Variants in ERBIN observed in about 807,000 individuals in gnomAD.
The protein encoded by ERBIN is densin-180-like protein.
ERBIN carries 60 observed loss-of-function variants against 158.4 expected under a neutral mutation model. That is an observed-to-expected ratio of 0.38 (90% CI 0.31 to 0.47). The LOEUF is 0.47. Ranked by LOEUF, ERBIN falls within the 20% of genes least tolerant of loss-of-function variation. ERBIN has a pLI of 0.99. For missense variants in ERBIN, 1,610 were observed against 1,648.0 expected, an observed-to-expected ratio of 0.98 and a Z score of 0.40; for synonymous variants, 594 against 557.2, an observed-to-expected ratio of 1.07 and a Z score of -0.93.
At chr5:66,028,451 T>G in intron 14 of ERBIN, 108 bp downstream of exon 14, 1 of 627,122 alleles carries the variant, frequency 1.6e-6, no homozygotes. Context: ...GTGGTACACA[T>G]GTAAACATAT....
intron 22 of ERBIN, among the ~76,000 whole-genome samples, chr5:66,073,060 CAT>C (rs1428497980): frequency 6.6e-6 from 1 of 152,130 alleles, no homozygotes; most frequent in Non-Finnish European, 1.5e-5. Flanking sequence ...TTTCTCATTA[CAT>C]ATATTTTGTG....
At chr5:66,048,538 G>A in intron 18 of ERBIN, 129 bp from the exon 19 acceptor site, 1 of 625,962 alleles carries the variant, frequency 1.6e-6, no homozygotes, top group Non-Finnish European at 2.8e-6. Flanking sequence ...TTATTTTATT[G>A]CCGTATCTTG....
At position 65,979,870 on chromosome 5, in the gene ERBIN, A is replaced by G. The variant is rs368058759; in HGVS notation, c.-57-8765A>G. ...AATAACAATGTATTATCGAATTTAT[A>G]GTATGTATCAGTAAAATATAAGAGC... On this transcript the variant is annotated intron_variant, in intron 1 of 25. Transcript: ENST00000284037. Among the ~76,000 whole-genome samples the G allele has an allele frequency of 1.8e-4, 27 of 152,358 alleles. 1 individual carries two copies. The East Asian group carries it at 3.3e-3, about 18-fold the overall frequency.
chr5:66,052,032 T>C (rs1759082651), intron 20 of ERBIN, among the ~76,000 whole-genome samples: 1 of 151,518 alleles, frequency 6.6e-6, no homozygotes, highest in South Asian at 2.1e-4. Context: ...GGTGAAACCA[T>C]GTCTCTACAA....
chr5:66,079,127 TG>T lies in ERBIN; in HGVS notation c.*601del. On this transcript the variant is annotated 3_prime_UTR_variant, in exon 26 of 26. Coordinates refer to ENST00000284037, the MANE Select transcript of ERBIN (RefSeq NM_001253697.2). Reference sequence around the variant, plus strand: ...AAAATCTGGAAGCAAAGAATGGGGATGGGGAGAGCTACGTGGTAGTATGTTT... The same window carrying T: ...AAAATCTGGAAGCAAAGAATGGGGATGGGAGAGCTACGTGGTAGTATGTTT... 6.5e-6 allele frequency: 1 copy of T among 152,804 alleles called. No homozygotes were observed. The highest frequency in any genetic ancestry group is 1.9e-4 in the East Asian group (1 of 5,186). 9.5% of individuals were successfully genotyped at this position (152,804 alleles called of 1,614,324 possible).
intron 1 of ERBIN, among the ~76,000 whole-genome samples, chr5:65,964,773 CG>C (rs770946988): frequency 1.3e-3 from 164 of 125,858 alleles, no homozygotes; most frequent in Non-Finnish European, 2.2e-3. Flanking sequence ...GATGGAGTCT[CG>C]CTCTGTCACC....
chr5:65,975,454 C>T (rs183400403), intron 1 of ERBIN, among the ~76,000 whole-genome samples: 54 of 151,796 alleles, frequency 3.6e-4, no homozygotes, highest in African/African-American at 1.1e-3. Context: ...TATGGGTGCC[C>T]GGCATCACGC....
chr5:65,997,654 A>G (rs1752577171), intron 4 of ERBIN, among the ~76,000 whole-genome samples: 1 of 152,206 alleles, frequency 6.6e-6, no homozygotes. Flanking sequence ...GTCATGTAAT[A>G]CTTCTTAATA....
chr5:65,927,172 T>G (rs1742757719), intron 1 of ERBIN, among the ~76,000 whole-genome samples: 1 of 152,178 alleles, frequency 6.6e-6, no homozygotes, highest in African/African-American at 2.4e-5. Context: ...GCACCTTCTG[T>G]TTGGGAAGAA....
intron 1 of ERBIN, among the ~76,000 whole-genome samples, chr5:65,940,479 C>T (rs1385506125): frequency 8.0e-6 from 1 of 125,004 alleles, no homozygotes; most frequent in Non-Finnish European, 1.7e-5. Context: ...GGGTCAGTCC[C>T]CCCCCCCCCG....
At position 66,053,810 on chromosome 5, in the gene ERBIN, A is replaced by C. The variant is rs143804809; in HGVS notation, c.2492A>C (p.Gln831Pro). 1.8e-4 allele frequency: 292 copies of C among 1,613,876 alleles called. No individual in the cohort carries two copies. Among genetic ancestry groups the C allele is most frequent in the Non-Finnish European group, 2.3e-4 (269 of 1,180,028 alleles). ...AATGGACATTCTGAGGAAACTTCCC[A>C]GTCTCCTAATAGGACTGAACCACAT... ...KVNGHSEETS[Q>P]SPNRTEPHDS... Residue 831 changes from glutamine (Q) to proline (P), a missense_variant, in exon 21 of 26, where the codon CAG (glutamine) becomes CCG (proline). By Grantham distance (76) the Gln-to-Pro change is moderately conservative. Transcript: ENST00000284037.
At chr5:66,072,958 A>G (rs140297212) in intron 22 of ERBIN, among the ~76,000 whole-genome samples, 3 of 152,332 alleles carry the variant, frequency 2.0e-5, no homozygotes, top group African/African-American at 7.2e-5. Flanking sequence ...ATATAAGTTC[A>G]TAAGTCATCT....
intron 4 of ERBIN, among the ~76,000 whole-genome samples, chr5:66,001,790 T>TTTTTA (rs553802092): frequency 5.9e-4 from 90 of 152,278 alleles, no homozygotes; most frequent in South Asian, 5.6e-3. Flanking sequence ...GTATGTATGC[T>TTTTTA]TTTTATTTTA....
In ERBIN at chr5:66,072,276, A is replaced by G; in HGVS notation, c.3741A>G (p.Pro1247=). 1 of 1,550,230 alleles carries G rather than the reference A, an allele frequency of 6.5e-7. No homozygotes were observed. Among genetic ancestry groups the G allele is most frequent in the Non-Finnish European group, 8.7e-7 (1 of 1,146,824 alleles). ...SATLSHKDVP[P]DSLMKMPLSN... ...CACTTAGTCACAAAGATGTTCCTCCAGACAGCTTGATGAAAGTGGGTGCTC... is the reference window on the plus strand; with the variant it reads ...CACTTAGTCACAAAGATGTTCCTCCGGACAGCTTGATGAAAGTGGGTGCTC... Residue 1247 remains proline, a synonymous_variant, in exon 22 of 26, where the codon CCA becomes CCG. Coordinates refer to ENST00000284037, the MANE Select transcript of ERBIN (RefSeq NM_001253697.2).
intron 4 of ERBIN, among the ~76,000 whole-genome samples, chr5:66,007,244 A>G (rs187191171): frequency 1.3e-5 from 2 of 152,342 alleles, no homozygotes; most frequent in East Asian, 3.8e-4. Flanking sequence ...TTGTAGGGAC[A>G]TGGGTGAAGC....
chr5:66,013,960 G>C (rs914147332), intron 6 of ERBIN, among the ~76,000 whole-genome samples: 1 of 152,106 alleles, frequency 6.6e-6, no homozygotes, highest in African/African-American at 2.4e-5. Flanking sequence ...TGATTTATCT[G>C]TCTTCTCCCC....
At position 66,050,894 on chromosome 5, in the gene ERBIN, C is replaced by G. The variant is rs1471974557; in HGVS notation, c.2015C>G (p.Thr672Ser). ...SRMSDSVSLNTDSSQDTSLCS... is the reference protein window; with the variant it reads ...SRMSDSVSLNSDSSQDTSLCS... ...ATGTCTGATTCAGTTTCTCTTAATA[C>G]TGATAGTAGTCAAGACACCTCACTC... The change falls in exon 20 of 26, where the codon ACT becomes AGT. Residue 672 changes from threonine (T) to serine (S), a missense_variant. Physicochemically the swap from Thr to Ser is moderately conservative, Grantham distance 58 (BLOSUM62 1). Transcript: ENST00000284037. 1 of 1,605,984 alleles carries G rather than the reference C, an allele frequency of 6.2e-7. No individual in the cohort carries two copies. The highest frequency in any genetic ancestry group is 8.5e-7 in the Non-Finnish European group (1 of 1,177,050).
At chr5:65,932,975 T>G (rs1387897736) in intron 1 of ERBIN, among the ~76,000 whole-genome samples, 1 of 152,076 alleles carries the variant, frequency 6.6e-6, no homozygotes, top group Non-Finnish European at 1.5e-5. Flanking sequence ...TTTTTTTTTG[T>G]AGAGATGGGT....
At chr5:66,051,993 C>T (rs183348082) in intron 20 of ERBIN, among the ~76,000 whole-genome samples, 22 of 151,244 alleles carry the variant, frequency 1.5e-4, no homozygotes, top group African/African-American at 5.1e-4. Flanking sequence ...TGCTTGAGTA[C>T]AGGAGTTCAA....
Sources: gnomAD v4.1 joint callset for allele counts (sites outside exome capture counted in the v4.1 genomes callset) on GRCh38, gnomAD v4.1.1 for gene constraint, MANE v1.5 for transcripts, NCBI Gene and HGNC (gene_info 2026-07-23, HGNC 2026-07-21) for gene names.